RABGAP1L: variants seen among roughly 807,000 people sequenced by gnomAD.
RABGAP1L encodes RAB GTPase activating protein 1 like.
In RABGAP1L, 63 loss-of-function variants were observed where a neutral mutation model predicts 137.7. The observed-to-expected ratio is 0.46, with a 90% CI of 0.37 to 0.56. The LOEUF is 0.56. Among genes scored for constraint, RABGAP1L ranks in the 20% least tolerant of loss-of-function variants. The pLI, the probability that RABGAP1L is intolerant of heterozygous loss-of-function variation, is 0.00. For missense variants in RABGAP1L, 1,095 were observed against 1,244.0 expected, an observed-to-expected ratio of 0.88 and a Z score of 1.80; for synonymous variants, 431 against 433.7, an observed-to-expected ratio of 0.99 and a Z score of 0.08.
chr1:174,795,801 C>A (rs1385158009), intron 18 of RABGAP1L, among the ~76,000 whole-genome samples: 1 of 152,180 alleles, frequency 6.6e-6, no homozygotes, highest in Non-Finnish European at 1.5e-5. Flanking sequence ...GTCTTGAACT[C>A]CTGGGCTCAA....
At chr1:174,727,760 A>G (rs1430105620) in intron 17 of RABGAP1L, among the ~76,000 whole-genome samples, 3 of 152,256 alleles carry the variant, frequency 2.0e-5, no homozygotes, top group Admixed American at 6.5e-5. Flanking sequence ...TACACAATGT[A>G]TATGTTTTGA....
intron 10 of RABGAP1L, among the ~76,000 whole-genome samples, chr1:174,286,739 G>A (rs1345560695): frequency 6.6e-6 from 1 of 151,688 alleles, no homozygotes. Context: ...ATAAGTTTTG[G>A]TATGTTGTAT....
At chr1:174,655,803 C>T (rs761016157) in intron 14 of RABGAP1L, among the ~76,000 whole-genome samples, 3 of 152,076 alleles carry the variant, frequency 2.0e-5, no homozygotes, top group Non-Finnish European at 4.4e-5. Flanking sequence ...CCCATATTGT[C>T]CAGTGGGAAG....
chr1:174,297,922 A>G (rs775775032), intron 10 of RABGAP1L, among the ~76,000 whole-genome samples: 2 of 152,202 alleles, frequency 1.3e-5, no homozygotes, highest in African/African-American at 2.4e-5. Context: ...CCTGAGGCCA[A>G]TCCTAAGCCA....
chr1:174,894,842 C>T (rs1573709538), intron 19 of RABGAP1L, among the ~76,000 whole-genome samples: 4 of 152,196 alleles, frequency 2.6e-5, no homozygotes, highest in South Asian at 2.1e-4. Flanking sequence ...CTGCAACCTC[C>T]GCCTCCCAGG....
chr1:174,450,708 C>T (rs540157673), intron 13 of RABGAP1L, among the ~76,000 whole-genome samples: 19 of 152,170 alleles, frequency 1.2e-4, no homozygotes, highest in African/African-American at 4.3e-4. Flanking sequence ...GGGGAATTAG[C>T]GAAGCAAGTA....
At chr1:174,965,006 A>G (rs1183420064) in intron 20 of RABGAP1L, 2 of 1,418,240 alleles carry the variant, frequency 1.4e-6, no homozygotes, top group African/African-American at 1.4e-5. Flanking sequence ...TTTTTAATCT[A>G]TGTATGTCTG....
chr1:174,819,187 T>TAAAAAA (rs71299431), intron 19 of RABGAP1L, among the ~76,000 whole-genome samples: 1 of 44,840 alleles, frequency 2.2e-5, no homozygotes, highest in Non-Finnish European at 4.1e-5. Context: ...TGCCTGTCTC[T>TAAAAAA]AAAAAAAAAA....
intron 19 of RABGAP1L, among the ~76,000 whole-genome samples, chr1:174,869,610 G>GA (rs1482236747): frequency 1.3e-5 from 2 of 152,144 alleles, no homozygotes; most frequent in African/African-American, 4.8e-5. Context: ...ATACAGATGA[G>GA]AAAACCAAGG....
intron 13 of RABGAP1L, among the ~76,000 whole-genome samples, chr1:174,508,187 TACAA>T (rs1041198961): frequency 1.3e-5 from 2 of 152,192 alleles, no homozygotes; most frequent in African/African-American, 2.4e-5. Flanking sequence ...TTATCTTCTC[TACAA>T]ACAATTTCAG....
At chr1:174,267,397 CTG>C (rs1235039542) in intron 7 of RABGAP1L, among the ~76,000 whole-genome samples, 1 of 152,138 alleles carries the variant, frequency 6.6e-6, no homozygotes, top group Non-Finnish European at 1.5e-5. Context: ...AGTGTTGACA[CTG>C]TTGCTATTCA....
In RABGAP1L at chr1:174,760,528, G is replaced by A. The variant is rs183236172; in HGVS notation, c.2211+8174G>A. Among the ~76,000 whole-genome samples, 14 of 152,364 alleles carry A rather than the reference G, an allele frequency of 9.2e-5. No individual in the cohort carries two copies. In the East Asian group the frequency reaches 2.1e-3, roughly 23 times the overall value. On this transcript the variant is annotated intron_variant, in intron 18 of 25. Transcript: ENST00000681986. ...ATCTCATTCTCCTTATGGATGCATA[G>A]TATTCTATAGTGTTTACCACATTTT...
intron 11 of RABGAP1L, among the ~76,000 whole-genome samples, chr1:174,311,199 T>C (rs1678809795): frequency 1.3e-5 from 2 of 152,122 alleles, no homozygotes; most frequent in South Asian, 4.1e-4. Context: ...TCAGGAAATT[T>C]ACAATCATGG....
chr1:174,804,702 A>G (rs1037675254), intron 18 of RABGAP1L, among the ~76,000 whole-genome samples: 1 of 152,232 alleles, frequency 6.6e-6, no homozygotes, highest in Non-Finnish European at 1.5e-5. Context: ...GAGTTTGAAT[A>G]CAGCTACTCA....
chr1:174,784,524 G>A (rs949489226), intron 18 of RABGAP1L, among the ~76,000 whole-genome samples: 3 of 152,134 alleles, frequency 2.0e-5, no homozygotes, highest in South Asian at 2.1e-4. Flanking sequence ...GACTGGTAGT[G>A]GAAACATCTT....
chr1:174,277,456 A>G (rs780752869), intron 9 of RABGAP1L, among the ~76,000 whole-genome samples: 37 of 151,668 alleles, frequency 2.4e-4, no homozygotes, highest in Non-Finnish European at 4.4e-4. Flanking sequence ...GTTTAGTTTT[A>G]TTTTGCAATA....
intron 21 of RABGAP1L, among the ~76,000 whole-genome samples, chr1:174,974,280 G>A (rs571856385): frequency 1.3e-4 from 20 of 152,140 alleles, no homozygotes; most frequent in African/African-American, 3.9e-4. Context: ...GTGAGCCACC[G>A]CACCCGGCTG....
chr1:174,661,898 G>GTATATGC (rs1676399561), intron 14 of RABGAP1L, among the ~76,000 whole-genome samples: 2 of 152,090 alleles, frequency 1.3e-5, no homozygotes, highest in Non-Finnish European at 2.9e-5. Flanking sequence ...GCTGCCAGGT[G>GTATATGC]TATAAAGGTA....
At chr1:174,842,331 T>C (rs371907052) in intron 19 of RABGAP1L, among the ~76,000 whole-genome samples, 9 of 152,264 alleles carry the variant, frequency 5.9e-5, no homozygotes, top group African/African-American at 2.2e-4. Context: ...AGTACACACA[T>C]TTTCCCTCTC....
Sources: gnomAD v4.1 joint callset for allele counts (sites outside exome capture counted in the v4.1 genomes callset) on GRCh38, gnomAD v4.1.1 for gene constraint, MANE v1.5 for transcripts, NCBI Gene and HGNC (gene_info 2026-07-23, HGNC 2026-07-21) for gene names.